PDE1C: variants seen among roughly 807,000 people sequenced by gnomAD.
The protein encoded by PDE1C is dual specificity calcium/calmodulin-dependent 3',5'-cyclic nucleotide phosphodiesterase 1C.
In PDE1C, 62 loss-of-function variants were observed where a neutral mutation model predicts 93.1. The ratio of observed to expected loss-of-function variants is 0.67; its 90% CI spans 0.54 to 0.82. PDE1C has a LOEUF of 0.82. Among genes scored for constraint, PDE1C ranks in the 40% least tolerant of loss-of-function variants. The probability of loss-of-function intolerance (pLI) is 0.00; values close to 1 mark genes in which losing one functional copy is unlikely to be tolerated. For synonymous variants in PDE1C, 325 were observed against 310.1 expected (o/e 1.05, Z -0.50); for missense variants, 742 against 884.6 (o/e 0.84, Z 2.04).
At chr7:31,992,176 A>G (rs1310908469) in intron 2 of PDE1C, among the ~76,000 whole-genome samples, 1 of 152,238 alleles carries the variant, frequency 6.6e-6, no homozygotes, top group Non-Finnish European at 1.5e-5. Flanking sequence ...GTGGTTTCAC[A>G]AGGATATCCT....
intron 2 of PDE1C, among the ~76,000 whole-genome samples, chr7:31,933,872 A>G (rs1295961509): frequency 2.0e-5 from 3 of 152,224 alleles, no homozygotes; most frequent in Admixed American, 6.5e-5. Flanking sequence ...TTTCCCACAC[A>G]ACCTGCAGAA....
chr7:32,040,376 G>A (rs1791654308), intron 2 of PDE1C, among the ~76,000 whole-genome samples: 1 of 152,136 alleles, frequency 6.6e-6, no homozygotes, highest in Non-Finnish European at 1.5e-5. Context: ...AATGTTCCAT[G>A]TACTATAGGC....
chr7:32,251,617 AC>A (rs1317828843), intron 1 of PDE1C, among the ~76,000 whole-genome samples: 1 of 151,618 alleles, frequency 6.6e-6, no homozygotes, highest in Non-Finnish European at 1.5e-5. Context: ...GTCTCTCCCC[AC>A]CCTGCCCCCT....
chr7:32,133,166 T>A (rs1800015163), intron 3 of PDE1C, among the ~76,000 whole-genome samples: 1 of 152,142 alleles, frequency 6.6e-6, no homozygotes, highest in Admixed American at 6.6e-5. Flanking sequence ...AATTTGGCAG[T>A]CATGGACATA....
intron 1 of PDE1C, among the ~76,000 whole-genome samples, chr7:32,397,205 T>C (rs1585141793): frequency 6.6e-6 from 1 of 152,008 alleles, no homozygotes; most frequent in Non-Finnish European, 1.5e-5. Flanking sequence ...TCATAACATA[T>C]AACAGATAAA....
At chr7:31,877,829 A>G in intron 5 of PDE1C, 141 bp downstream of exon 5, 2 of 603,704 alleles carry the variant, frequency 3.3e-6, no homozygotes, top group Non-Finnish European at 5.8e-6. Context: ...GTTAGAACAA[A>G]TAATAAAAAG....
chr7:31,655,750 GC>G, the PDE1C span: 1 of 985,560 alleles, frequency 1.0e-6, no homozygotes, highest in East Asian at 1.1e-4. Context: ...CGTTTCCCTT[GC>G]TAAACTCCTA....
At chr7:32,132,975 T>C (rs1057263681) in intron 3 of PDE1C, among the ~76,000 whole-genome samples, 2 of 152,098 alleles carry the variant, frequency 1.3e-5, no homozygotes, top group African/African-American at 4.8e-5. Context: ...TTTACTAAGA[T>C]AGGGAATATT....
intron 3 of PDE1C, among the ~76,000 whole-genome samples, chr7:32,092,745 C>T (rs6963475): frequency 0.62 from 94,234 of 152,086 alleles, 29,524 homozygotes; most frequent in African/African-American, 0.7. Context: ...GCCAAGATGG[C>T]ACAAAAACTA....
At chr7:32,014,078 G>A (rs1050858877) in intron 2 of PDE1C, among the ~76,000 whole-genome samples, 2 of 152,198 alleles carry the variant, frequency 1.3e-5, no homozygotes, top group Non-Finnish European at 1.5e-5. Flanking sequence ...GGCCCTGTGG[G>A]GTTATGCAAA....
chr7:32,174,100 C>A (rs538022860), intron 2 of PDE1C, among the ~76,000 whole-genome samples: 29 of 152,112 alleles, frequency 1.9e-4, no homozygotes, highest in African/African-American at 7.0e-4. Context: ...TTAATGAAGT[C>A]TGGTTCTGCA....
chr7:32,226,650 T>C (rs1340728327), intron 1 of PDE1C, among the ~76,000 whole-genome samples: 1 of 152,088 alleles, frequency 6.6e-6, no homozygotes. Context: ...GAGTGGTCAG[T>C]GCAAAGGCCC....
chr7:32,318,235 C>A (rs1783213374), intron 1 of PDE1C, among the ~76,000 whole-genome samples: 2 of 152,156 alleles, frequency 1.3e-5, no homozygotes, highest in South Asian at 4.1e-4. Flanking sequence ...GGGCCCCACA[C>A]CTAGGGGCAA....
chr7:31,866,294 T>G (rs1212497696), intron 6 of PDE1C, among the ~76,000 whole-genome samples: 1 of 152,214 alleles, frequency 6.6e-6, no homozygotes, highest in Non-Finnish European at 1.5e-5. Context: ...ATTTTACCAT[T>G]TGCAGAATTT....
At chr7:31,802,055 T>C (rs930803952) in intron 16 of PDE1C, among the ~76,000 whole-genome samples, 15 of 151,596 alleles carry the variant, frequency 9.9e-5, no homozygotes, top group African/African-American at 3.4e-4. Context: ...ACTTAAGTCA[T>C]TTATATTTAA....
intron 16 of PDE1C, among the ~76,000 whole-genome samples, chr7:31,803,437 GTACATGTGCACAACGTGCAGGTTTGT>G (rs1214100392): frequency 6.6e-6 from 1 of 151,290 alleles, no homozygotes; most frequent in Non-Finnish European, 1.5e-5. Context: ...AAGTTTTAGG[GTACATGTGCACAACGTGCAGGTTTGT>G]TACATATGTA....
At chr7:31,628,455 T>G in the PDE1C span, among the ~76,000 whole-genome samples, 7 of 149,670 alleles carry the variant, frequency 4.7e-5, no homozygotes, top group East Asian at 1.4e-3. Flanking sequence ...TTCCTTTTTT[T>G]TTTTTCTTTT....
intron 1 of PDE1C, among the ~76,000 whole-genome samples, chr7:32,312,297 G>A (rs1025468641): frequency 2.6e-5 from 4 of 151,888 alleles, no homozygotes; most frequent in Admixed American, 2.0e-4. Context: ...TCATGGGTAG[G>A]AAGAATCAAT....
chr7:32,156,056 C>T (rs1399319729), intron 3 of PDE1C, among the ~76,000 whole-genome samples: 3 of 152,228 alleles, frequency 2.0e-5, no homozygotes, highest in African/African-American at 7.2e-5. Flanking sequence ...TCTCTCTACT[C>T]TGCAATTTCC....
Sources: allele counts gnomAD v4.1 joint callset (sites outside exome capture counted in the v4.1 genomes callset), GRCh38; gene constraint gnomAD v4.1.1; transcripts MANE v1.5; gene names NCBI Gene and HGNC (gene_info 2026-07-23, HGNC 2026-07-21).